The following WDFY4 variants were observed in gnomAD, a reference collection of about 807,000 sequenced individuals.
The protein encoded by WDFY4 is WDFY family member 4.
In WDFY4, 169 loss-of-function variants were observed where a neutral mutation model predicts 351.9. That is an observed-to-expected ratio of 0.48 (90% CI 0.42 to 0.55). The LOEUF (loss-of-function observed/expected upper bound fraction) is 0.55, where lower values mean the gene tolerates loss of function less well. WDFY4 is among the 20% of genes least tolerant of loss of function. The pLI is 0.00. For synonymous variants in WDFY4, 1,622 were observed against 1,574.6 expected (o/e 1.03, Z -0.71); for missense variants, 3,803 against 3,935.6 (o/e 0.97, Z 0.90).
intron 22 of WDFY4, 104 bp from the exon 23 acceptor site, chr10:48,790,623 G>A: frequency 7.6e-7 from 1 of 1,316,152 alleles, no homozygotes; most frequent in Non-Finnish European, 1.0e-6. Context: ...GCTGTGGATG[G>A]ATGGTGGCAC....
chr10:48,740,266 C>T (rs1474326906), intron 11 of WDFY4, among the ~76,000 whole-genome samples: 3 of 152,186 alleles, frequency 2.0e-5, no homozygotes, highest in Non-Finnish European at 2.9e-5. Flanking sequence ...CGTACCACAT[C>T]GCAGTGAACA....
chr10:48,926,161 G>A (rs1839556653), intron 47 of WDFY4, among the ~76,000 whole-genome samples: 2 of 152,190 alleles, frequency 1.3e-5, no homozygotes, highest in South Asian at 2.1e-4. Flanking sequence ...TGCCTCCCGG[G>A]AGAGGAAGCC....
intron 12 of WDFY4, among the ~76,000 whole-genome samples, chr10:48,746,363 C>A (rs1365121235): frequency 3.3e-5 from 5 of 152,114 alleles, no homozygotes; most frequent in African/African-American, 1.2e-4. Flanking sequence ...AATAATAGGA[C>A]TATATCAGGT....
At chr10:48,952,756 A>G (rs1841389466) in intron 51 of WDFY4, among the ~76,000 whole-genome samples, 2 of 152,114 alleles carry the variant, frequency 1.3e-5, no homozygotes, top group South Asian at 4.1e-4. Flanking sequence ...CAGGAAGGAA[A>G]GCTAATGGCC....
At chr10:48,831,168 T>G (rs2068176128) in intron 38 of WDFY4, among the ~76,000 whole-genome samples, 2 of 152,186 alleles carry the variant, frequency 1.3e-5, no homozygotes, top group African/African-American at 2.4e-5. Context: ...TGGCCTGGGC[T>G]CAGGAACTTG....
In WDFY4 at chr10:48,774,670, A is replaced by G. The variant is rs1364510816; in HGVS notation, c.2766A>G (p.Leu922=). The change falls in exon 14 of 62, where the codon CTA becomes CTG. Residue 922 remains leucine (L), a splice_region_variant and synonymous_variant. Coordinates refer to ENST00000325239, the MANE Select transcript of WDFY4 (RefSeq NM_001394531.1). The part of the protein sequence containing the change: ...LASQAIEPDV[L]RQFLGLGIPS... ...CCCAGGCCATTGAACCGGATGTGCT[A>G]AGGTACCACATGCTGCATATTCAGT... is the stretch of plus-strand genomic sequence containing the variant. The G allele has an allele frequency of 1.9e-6, 3 of 1,551,650 alleles. No homozygotes were observed. The highest frequency in any genetic ancestry group is 1.7e-4 in the Middle Eastern group (1 of 5,990).
intron 43 of WDFY4, among the ~76,000 whole-genome samples, chr10:48,879,044 G>A (rs2070142406): frequency 1.3e-5 from 2 of 152,188 alleles, no homozygotes; most frequent in Admixed American, 6.5e-5. Flanking sequence ...AGGACTAACG[G>A]CAGATCATAA....
intron 10 of WDFY4, among the ~76,000 whole-genome samples, chr10:48,735,156 G>GA (rs1308342231): frequency 3.3e-5 from 5 of 152,042 alleles, no homozygotes; most frequent in Non-Finnish European, 7.4e-5. Flanking sequence ...CCCATAATTG[G>GA]AAAAATCCTG....
At chr10:48,763,086 A>G (rs758598141) in intron 13 of WDFY4, among the ~76,000 whole-genome samples, 1 of 152,242 alleles carries the variant, frequency 6.6e-6, no homozygotes, top group Non-Finnish European at 1.5e-5. Flanking sequence ...GGGATCTTAC[A>G]TTCTCTGGCT....
chr10:48,844,731 A>T (rs1235906973), intron 39 of WDFY4, among the ~76,000 whole-genome samples: 1 of 152,208 alleles, frequency 6.6e-6, no homozygotes, highest in Non-Finnish European at 1.5e-5. Flanking sequence ...GAGCAATTGA[A>T]CAAGCCTGAG....
intron 39 of WDFY4, among the ~76,000 whole-genome samples, chr10:48,855,922 CT>C (rs1564420894): frequency 1.3e-5 from 2 of 152,040 alleles, no homozygotes; most frequent in African/African-American, 4.8e-5. Flanking sequence ...ATAGATTAAA[CT>C]TTATCATAGG....
chr10:48,978,444 C>G, intron 60 of WDFY4, 51 bp downstream of exon 60: 2 of 1,484,988 alleles, frequency 1.3e-6, no homozygotes, highest in Admixed American at 4.2e-5. Context: ...CTGCCCTCCT[C>G]ACCTCCCCTC....
chr10:48,812,381 G>A (rs1484635801), intron 30 of WDFY4, among the ~76,000 whole-genome samples: 1 of 151,716 alleles, frequency 6.6e-6, no homozygotes, highest in African/African-American at 2.4e-5. Flanking sequence ...GTACAGACAG[G>A]GATTTTCCAA....
intron 19 of WDFY4, among the ~76,000 whole-genome samples, chr10:48,785,328 G>A (rs1460142108): frequency 6.6e-6 from 1 of 151,942 alleles, no homozygotes; most frequent in Admixed American, 6.6e-5. Flanking sequence ...TTTCACATGG[G>A]TAAAATTTCT....
chr10:48,893,521 G>A (rs1449220993), intron 44 of WDFY4, among the ~76,000 whole-genome samples: 1 of 152,196 alleles, frequency 6.6e-6, no homozygotes, highest in Non-Finnish European at 1.5e-5. Context: ...CCCCATCAGT[G>A]AGCAGTTTTA....
chr10:48,795,500 T>TATAC (rs2066829605), intron 23 of WDFY4, among the ~76,000 whole-genome samples: 1 of 107,370 alleles, frequency 9.3e-6, no homozygotes, highest in African/African-American at 4.3e-5. Flanking sequence ...TGTATATATA[T>TATAC]ATATATATAT....
intron 24 of WDFY4, among the ~76,000 whole-genome samples, chr10:48,797,609 G>A (rs2066918688): frequency 1.3e-5 from 2 of 148,702 alleles, no homozygotes; most frequent in South Asian, 4.2e-4. Context: ...ACAAACACAA[G>A]CACTGTTTTG....
Position 48,970,268 on chromosome 10 carries a change from G to A in WDFY4, c.8907G>A (p.Pro2969=), listed in dbSNP as rs536304661. The A allele has an allele frequency of 5.2e-5, 80 of 1,551,212 alleles. No individual in the cohort carries two copies. The highest frequency in any genetic ancestry group is 1.2e-4 in the African/African-American group (9 of 73,178). The change falls in exon 57 of 62, where the codon CCG becomes CCA. Residue 2969 remains proline, a synonymous_variant. Coordinates refer to ENST00000325239, the MANE Select transcript of WDFY4 (RefSeq NM_001394531.1). ...VWELSMTKGR[P]RGLRLRQALY... ...AGCTCAGCATGACCAAAGGCCGCCC[G>A]AGGGGCTTGCGCCTCCGGCAGGTAT...
At chr10:48,721,778 T>G (rs1301278099) in intron 4 of WDFY4, among the ~76,000 whole-genome samples, 1 of 152,128 alleles carries the variant, frequency 6.6e-6, no homozygotes, top group Non-Finnish European at 1.5e-5. Flanking sequence ...CAGATCTTGG[T>G]GATGCCAGTG....
Sources: allele counts gnomAD v4.1 joint callset (sites outside exome capture counted in the v4.1 genomes callset), GRCh38; gene constraint gnomAD v4.1.1; transcripts MANE v1.5; gene names NCBI Gene and HGNC (gene_info 2026-07-23, HGNC 2026-07-21).